The following ETV6 variants were observed in gnomAD, a reference collection of about 807,000 sequenced individuals.
ETV6 encodes transcription factor ETV6.
ETV6 carries 16 observed loss-of-function variants against 51.1 expected under a neutral mutation model. The ratio of observed to expected loss-of-function variants is 0.31; its 90% confidence interval spans 0.21 to 0.48. The LOEUF (loss-of-function observed/expected upper bound fraction) is 0.48. Among genes scored for constraint, ETV6 ranks in the 20% least tolerant of loss-of-function variants. The pLI, the probability that ETV6 is intolerant of heterozygous loss-of-function variation, is 0.99. For missense variants in ETV6, 458 were observed against 594.8 expected (o/e 0.77, Z 2.39); for synonymous variants, 240 against 224.1 (o/e 1.07, Z -0.64).
chr12:11,737,063 G>A (rs1354897887), intron 1 of ETV6, among the ~76,000 whole-genome samples: 1 of 152,154 alleles, frequency 6.6e-6, no homozygotes, highest in African/African-American at 2.4e-5. Flanking sequence ...TGTGTGGTTT[G>A]GGGGTCTGAG....
At chr12:11,791,504 G>A (rs1591676327) in intron 2 of ETV6, among the ~76,000 whole-genome samples, 1 of 152,202 alleles carries the variant, frequency 6.6e-6, no homozygotes, top group East Asian at 1.9e-4. Context: ...AGTACAACTT[G>A]AGTCACACGT....
intron 5 of ETV6, among the ~76,000 whole-genome samples, chr12:11,877,726 C>T (rs1035489362): frequency 6.6e-6 from 1 of 152,156 alleles, no homozygotes; most frequent in African/African-American, 2.4e-5. Flanking sequence ...ACTGCGAAGT[C>T]AGCATGATTG....
intron 4 of ETV6, among the ~76,000 whole-genome samples, chr12:11,854,249 A>C (rs752693484): frequency 1.3e-5 from 2 of 152,022 alleles, no homozygotes; most frequent in Non-Finnish European, 2.9e-5. Context: ...CTGATCTGAC[A>C]GGACGTGGGA....
At chr12:11,784,782 G>A (rs970110638) in intron 2 of ETV6, among the ~76,000 whole-genome samples, 1 of 151,444 alleles carries the variant, frequency 6.6e-6, no homozygotes. Context: ...CACTGCAGCC[G>A]CAAACTCTTG....
At chr12:11,881,497 A>T (rs1350025117) in intron 5 of ETV6, among the ~76,000 whole-genome samples, 5 of 152,172 alleles carry the variant, frequency 3.3e-5, no homozygotes, top group African/African-American at 1.2e-4. Context: ...GCCCTGGCAG[A>T]TGAGGCATCT....
chr12:11,694,015 A>G (rs1288003836), intron 1 of ETV6, among the ~76,000 whole-genome samples: 2 of 152,232 alleles, frequency 1.3e-5, no homozygotes, highest in African/African-American at 4.8e-5. Flanking sequence ...TTGCGAAGAT[A>G]GGATGGAGTT....
intron 2 of ETV6, among the ~76,000 whole-genome samples, chr12:11,813,358 G>A (rs969106408): frequency 6.6e-6 from 1 of 152,184 alleles, no homozygotes; most frequent in Non-Finnish European, 1.5e-5. Context: ...AGCACAGGCA[G>A]TGTGAACTGC....
chr12:11,710,646 A>G (rs1271461265), intron 1 of ETV6, among the ~76,000 whole-genome samples: 1 of 152,368 alleles, frequency 6.6e-6, no homozygotes, highest in African/African-American at 2.4e-5. Context: ...TGCTAGTATT[A>G]TAGTGCGCCT....
intron 1 of ETV6, among the ~76,000 whole-genome samples, chr12:11,660,032 G>A (rs554789753): frequency 2.6e-5 from 4 of 152,314 alleles, no homozygotes; most frequent in Middle Eastern, 3.4e-3. Context: ...ACAATTTATT[G>A]TGTATTTCAA....
intron 1 of ETV6, among the ~76,000 whole-genome samples, chr12:11,702,452 G>A (rs1396560219): frequency 1.3e-5 from 2 of 152,178 alleles, no homozygotes; most frequent in Non-Finnish European, 2.9e-5. Context: ...TGGGCACTTG[G>A]AAGGATAGTT....
intron 1 of ETV6, among the ~76,000 whole-genome samples, chr12:11,702,596 C>T (rs1048343325): frequency 6.6e-6 from 1 of 151,236 alleles, no homozygotes; most frequent in South Asian, 2.1e-4. Context: ...TTCCCCACTG[C>T]CTGTAATCTC....
At chr12:11,768,151 T>C (rs981053592) in intron 2 of ETV6, among the ~76,000 whole-genome samples, 1 of 152,088 alleles carries the variant, frequency 6.6e-6, no homozygotes. Context: ...TGTGCTGATA[T>C]GTAGTTTTAG....
chr12:11,856,138 T>A (rs942499569), intron 4 of ETV6, among the ~76,000 whole-genome samples: 1 of 152,072 alleles, frequency 6.6e-6, no homozygotes, highest in African/African-American at 2.4e-5. Context: ...CAGCAGTAGG[T>A]GTGTTTGTTG....
intron 1 of ETV6, chr12:11,751,736 T>G: frequency 2.5e-6 from 1 of 397,922 alleles, no homozygotes; most frequent in South Asian, 1.9e-5. Context: ...GATAATTCTT[T>G]GAATGAACTA....
At chr12:11,860,138 G>A (rs577056039) in intron 4 of ETV6, among the ~76,000 whole-genome samples, 4 of 152,170 alleles carry the variant, frequency 2.6e-5, no homozygotes, top group Admixed American at 2.6e-4. Context: ...GTCACGCCTT[G>A]AAAGCTGGCC....
At chr12:11,783,013 G>A (rs991209947) in intron 2 of ETV6, among the ~76,000 whole-genome samples, 1 of 152,116 alleles carries the variant, frequency 6.6e-6, no homozygotes. Flanking sequence ...AGCAGCTGTA[G>A]CAATGATCTA....
chr12:11,837,295 A>T (rs1946331209), intron 2 of ETV6, among the ~76,000 whole-genome samples: 1 of 152,196 alleles, frequency 6.6e-6, no homozygotes, highest in Non-Finnish European at 1.5e-5. Context: ...TTCCATGTGA[A>T]AAAAAAATTA....
Position 11,664,760 on chromosome 12 carries a change from C to T in ETV6, c.33+14600C>T, listed in dbSNP as rs544829769. On this transcript the variant is annotated intron_variant, in intron 1 of 7. Transcript: ENST00000396373. ...CAGTCTGGTGCATACTCGTCTTTCT[C>T]CTCCATACCGGCTGTCACTGCCTTC... Among the ~76,000 whole-genome samples, 6 of 152,302 alleles carry T rather than the reference C, an allele frequency of 3.9e-5. No homozygotes were observed. The East Asian group carries it at 1.2e-3, about 29-fold the overall frequency.
chr12:11,764,709 C>A (rs75086296), intron 2 of ETV6, among the ~76,000 whole-genome samples: 112 of 152,126 alleles, frequency 7.4e-4, no homozygotes, highest in African/African-American at 2.7e-3. Flanking sequence ...GCTGGGTGGC[C>A]TATGTGTGTG....
Sources: allele counts gnomAD v4.1 joint callset (sites outside exome capture counted in the v4.1 genomes callset), GRCh38; gene constraint gnomAD v4.1.1; transcripts MANE v1.5; gene names NCBI Gene and HGNC (gene_info 2026-07-23, HGNC 2026-07-21).